The following ZBTB20 variants were observed in gnomAD, a reference collection of about 807,000 sequenced individuals.
ZBTB20 encodes zinc finger and BTB domain containing 20.
ZBTB20 carries 9 observed loss-of-function variants against 56.9 expected under a neutral mutation model. The ratio of observed to expected loss-of-function variants is 0.16; its 90% CI spans 0.10 to 0.28. The LOEUF (loss-of-function observed/expected upper bound fraction) is 0.28. ZBTB20 is among the 10% of genes least tolerant of loss of function. ZBTB20 has a pLI of 1.00. For synonymous variants in ZBTB20, 417 were observed against 420.7 expected (o/e 0.99, Z 0.11); for missense variants, 655 against 1,003.0 (o/e 0.65, Z 4.69).
intron 7 of ZBTB20, among the ~76,000 whole-genome samples, chr3:114,404,958 C>A (rs902200119): frequency 2.0e-5 from 3 of 152,048 alleles, no homozygotes; most frequent in African/African-American, 4.8e-5. Flanking sequence ...TTTGACCCAG[C>A]GAAAATTTTC....
chr3:114,758,793 T>C (rs905418677), intron 5 of ZBTB20: 5 of 152,142 alleles, frequency 3.3e-5, no homozygotes, highest in African/African-American at 1.2e-4. Context: ...AATAAACAAG[T>C]TGATTTTAAA....
At chr3:114,915,944 T>G (rs867765270) in intron 3 of ZBTB20, among the ~76,000 whole-genome samples, 1 of 152,098 alleles carries the variant, frequency 6.6e-6, no homozygotes, top group Non-Finnish European at 1.5e-5. Flanking sequence ...TTTCAAATTT[T>G]TGAATATTTT....
At chr3:115,112,535 CAT>C (rs1576796258) in intron 1 of ZBTB20, among the ~76,000 whole-genome samples, 1 of 152,182 alleles carries the variant, frequency 6.6e-6, no homozygotes, top group Non-Finnish European at 1.5e-5. Context: ...TTAGCTCCCA[CAT>C]GAGTGAGAAC....
intron 6 of ZBTB20, among the ~76,000 whole-genome samples, chr3:114,561,902 C>G (rs547376888): frequency 6.6e-6 from 1 of 152,176 alleles, no homozygotes; most frequent in South Asian, 2.1e-4. Flanking sequence ...ACTATTTCAT[C>G]TATATTGAGA....
At chr3:114,848,271 T>C (rs1453322445) in intron 4 of ZBTB20, among the ~76,000 whole-genome samples, 1 of 152,048 alleles carries the variant, frequency 6.6e-6, no homozygotes, top group Non-Finnish European at 1.5e-5. Context: ...TGCGGGCAGG[T>C]AAACCCAGAA....
intron 4 of ZBTB20, among the ~76,000 whole-genome samples, chr3:114,805,955 C>T (rs1042309490): frequency 2.6e-5 from 4 of 151,772 alleles, no homozygotes; most frequent in African/African-American, 9.7e-5. Flanking sequence ...GAATACTATT[C>T]CACTGCATGG....
At chr3:114,485,420 T>A (rs1270546030) in intron 7 of ZBTB20, among the ~76,000 whole-genome samples, 1 of 152,226 alleles carries the variant, frequency 6.6e-6, no homozygotes, top group Non-Finnish European at 1.5e-5. Context: ...TGTTTCCAAA[T>A]CTGCATCCAT....
At chr3:114,372,786 G>C (rs2083181644) in intron 10 of ZBTB20, among the ~76,000 whole-genome samples, 1 of 152,156 alleles carries the variant, frequency 6.6e-6, no homozygotes, top group South Asian at 2.1e-4. Flanking sequence ...AGAGGTGGCA[G>C]TGAGCTGAGA....
intron 1 of ZBTB20, among the ~76,000 whole-genome samples, chr3:115,090,057 G>A (rs1436996180): frequency 6.6e-6 from 1 of 151,742 alleles, no homozygotes; most frequent in Non-Finnish European, 1.5e-5. Context: ...TGTAGTTTTT[G>A]CAAAATATGG....
intron 3 of ZBTB20, among the ~76,000 whole-genome samples, chr3:114,960,795 G>GA (rs1230306346): frequency 2.0e-5 from 3 of 151,676 alleles, no homozygotes; most frequent in Non-Finnish European, 4.4e-5. Context: ...ATAGCTATCA[G>GA]AAAAAAATGC....
At chr3:114,804,232 C>G (rs199596549) in intron 4 of ZBTB20, among the ~76,000 whole-genome samples, 1 of 145,818 alleles carries the variant, frequency 6.9e-6, no homozygotes, top group East Asian at 2.1e-4. Context: ...AATAAAAAAA[C>G]AAAACAAAAC....
chr3:115,042,080 G>C (rs2081166966), intron 2 of ZBTB20, among the ~76,000 whole-genome samples: 1 of 151,962 alleles, frequency 6.6e-6, no homozygotes, highest in African/African-American at 2.4e-5. Flanking sequence ...TCTCCACCAA[G>C]ACAAACTAAA....
intron 7 of ZBTB20, among the ~76,000 whole-genome samples, chr3:114,486,988 A>C (rs1403545649): frequency 1.3e-5 from 2 of 152,110 alleles, no homozygotes; most frequent in East Asian, 1.9e-4. Flanking sequence ...AAGAAAAAAA[A>C]CTCTTAATTT....
intron 1 of ZBTB20, among the ~76,000 whole-genome samples, chr3:115,140,485 T>C (rs2084781320): frequency 6.6e-6 from 1 of 152,052 alleles, no homozygotes; most frequent in African/African-American, 2.4e-5. Context: ...AAAGGCCATT[T>C]TCTTTTGTCT....
chr3:114,664,264 G>C (rs1325945587), intron 6 of ZBTB20, among the ~76,000 whole-genome samples: 1 of 151,868 alleles, frequency 6.6e-6, no homozygotes, highest in Admixed American at 6.6e-5. Context: ...CATTACTTAT[G>C]GCAACTACCA....
Position 114,328,575 on chromosome 3 carries a change from G to A in ZBTB20, c.*10430C>T, listed in dbSNP as rs1371385231. ...AAGGTAAGGGGAATTAATGACCTCA[G>A]CTAGTACAGTTGACATTTAAAACTG... On this transcript the variant is annotated 3_prime_UTR_variant, in exon 12 of 12. Coordinates refer to ENST00000675478, the MANE Select transcript of ZBTB20 (RefSeq NM_001348800.3). 1 of 151,912 alleles carries A rather than the reference G, an allele frequency of 6.6e-6. No individual in the cohort carries two copies. Among genetic ancestry groups the A allele is most frequent in the African/African-American group, 2.4e-5 (1 of 41,370 alleles). The allele number at this position is 151,912 out of a possible 1,614,324, so 9.4% of individuals were successfully genotyped here. A position where few individuals can be genotyped will look rare whatever the true frequency, so the allele number is the denominator to read the frequency against.
At position 114,339,724 on chromosome 3, in the gene ZBTB20, C is replaced by G. The variant is rs1384133813; in HGVS notation, c.1805-298G>C. On this transcript the variant is annotated intron_variant, in intron 11 of 11. Coordinates refer to ENST00000675478, the MANE Select transcript of ZBTB20 (RefSeq NM_001348800.3). The surrounding 1 kb of genome is among the most constrained non-coding windows in gnomAD (Gnocchi z 4.2). ...TCCCCACTAAAAGTCTTCAAGGTCA[C>G]TCCGTGGAAAAGGGAGGGCTACTTT... Among the ~76,000 whole-genome samples, 1 of 152,154 alleles carries G rather than the reference C, an allele frequency of 6.6e-6. No homozygotes were observed. Among genetic ancestry groups the G allele is most frequent in the African/African-American group, 2.4e-5 (1 of 41,426 alleles).
chr3:115,015,147 GT>G (rs2074728401), intron 2 of ZBTB20, among the ~76,000 whole-genome samples: 1 of 151,624 alleles, frequency 6.6e-6, no homozygotes. Context: ...TTTAATGTAA[GT>G]TTGATTGGAA....
chr3:114,765,628 T>C (rs1482806968), intron 5 of ZBTB20, among the ~76,000 whole-genome samples: 2 of 152,170 alleles, frequency 1.3e-5, no homozygotes, highest in African/African-American at 2.4e-5. Flanking sequence ...TATGATATTC[T>C]ATTATGGCAG....
Sources: allele counts gnomAD v4.1 joint callset (sites outside exome capture counted in the v4.1 genomes callset), GRCh38; gene constraint gnomAD v4.1.1; non-coding constraint Gnocchi (gnomAD v3.1); transcripts MANE v1.5; gene names NCBI Gene and HGNC (gene_info 2026-07-23, HGNC 2026-07-21).